The following KANSL1L variants were observed in gnomAD, a reference collection of about 807,000 sequenced individuals.
KANSL1L encodes the protein KAT8 regulatory NSL complex subunit 1-like protein.
A neutral mutation model predicts 108.6 loss-of-function variants in KANSL1L; 25 were observed. That is an observed-to-expected ratio of 0.23 (90% CI 0.17 to 0.32). The LOEUF (loss-of-function observed/expected upper bound fraction) is 0.32, where lower values mean the gene tolerates loss of function less well. Among genes scored for constraint, KANSL1L ranks in the 10% least tolerant of loss-of-function variants. KANSL1L has a pLI of 1.00. For synonymous variants in KANSL1L, 405 were observed against 395.1 expected, an observed-to-expected ratio of 1.03 and a Z score of -0.30; for missense variants, 1,137 against 1,125.7, an observed-to-expected ratio of 1.01 and a Z score of -0.14.
chr2:210,158,070 C>G (rs1214883879), intron 1 of KANSL1L, among the ~76,000 whole-genome samples: 1 of 152,198 alleles, frequency 6.6e-6, no homozygotes, highest in African/African-American at 2.4e-5. Context: ...ACCGGTAGGA[C>G]AGGTAGCTTC....
intron 5 of KANSL1L, among the ~76,000 whole-genome samples, chr2:210,084,007 G>A (rs570375423): frequency 6.6e-6 from 1 of 151,928 alleles, no homozygotes; most frequent in South Asian, 2.1e-4. Flanking sequence ...CCTTACTCTG[G>A]GTAATAAGTA....
chr2:210,089,230 T>TA (rs1285916339), intron 5 of KANSL1L, among the ~76,000 whole-genome samples: 2 of 152,226 alleles, frequency 1.3e-5, no homozygotes, highest in African/African-American at 4.8e-5. Flanking sequence ...ACAATCATCT[T>TA]ACTGTCACGG....
chr2:210,137,089 T>C (rs2160020), intron 2 of KANSL1L, among the ~76,000 whole-genome samples: 9,912 of 152,258 alleles, frequency 0.065, 383 homozygotes, highest in Middle Eastern at 0.13. Flanking sequence ...GGGTCTCTTC[T>C]TTTTTTGATG....
chr2:210,083,168 AG>A (rs1226405377), intron 5 of KANSL1L, among the ~76,000 whole-genome samples: 1 of 152,198 alleles, frequency 6.6e-6, no homozygotes, highest in Non-Finnish European at 1.5e-5. Flanking sequence ...ACCAGAAGCT[AG>A]GAAGAGGCAA....
intron 8 of KANSL1L, among the ~76,000 whole-genome samples, chr2:210,037,896 A>G (rs1225503852): frequency 6.6e-6 from 1 of 152,178 alleles, no homozygotes; most frequent in Non-Finnish European, 1.5e-5. Flanking sequence ...ATGTGTGTCT[A>G]TAAACAGCAG....
intron 6 of KANSL1L, among the ~76,000 whole-genome samples, chr2:210,060,962 C>T (rs780242811): frequency 8.5e-5 from 13 of 152,146 alleles, no homozygotes; most frequent in Non-Finnish European, 1.8e-4. Context: ...GAAGTAATCA[C>T]CACTGCTACT....
intron 1 of KANSL1L, among the ~76,000 whole-genome samples, chr2:210,164,850 T>C (rs1270085022): frequency 1.3e-5 from 2 of 151,450 alleles, no homozygotes; most frequent in East Asian, 1.9e-4. Context: ...ACTTTTATTT[T>C]TTCTGTTTTT....
At chr2:210,082,938 C>T (rs947445352) in intron 5 of KANSL1L, among the ~76,000 whole-genome samples, 2 of 152,180 alleles carry the variant, frequency 1.3e-5, no homozygotes, top group African/African-American at 2.4e-5. Flanking sequence ...CTCCTCAAAG[C>T]TCATGTCTAC....
chr2:210,123,834 TAA>T (rs71043973), intron 3 of KANSL1L, among the ~76,000 whole-genome samples: 2 of 145,988 alleles, frequency 1.4e-5, no homozygotes. Context: ...TTTTTTAAGT[TAA>T]AAAAAAAAAG....
At chr2:210,139,587 G>A (rs1490074594) in intron 2 of KANSL1L, among the ~76,000 whole-genome samples, 2 of 151,982 alleles carry the variant, frequency 1.3e-5, no homozygotes, top group Admixed American at 1.3e-4. Context: ...TCTTGTAATA[G>A]CCATTTTAAC....
chr2:210,146,454 T>C (rs78440135), intron 2 of KANSL1L, among the ~76,000 whole-genome samples: 1,690 of 152,338 alleles, frequency 0.011, 22 homozygotes, highest in African/African-American at 0.039. Context: ...ATAAATACAA[T>C]TAACACTTGC....
chr2:210,167,918 G>C (rs1490307239), intron 1 of KANSL1L, among the ~76,000 whole-genome samples: 1 of 151,756 alleles, frequency 6.6e-6, no homozygotes, highest in Non-Finnish European at 1.5e-5. Flanking sequence ...CACATGATTA[G>C]GGAATAAGGA....
Position 210,129,073 on chromosome 2 carries a change from G to A in KANSL1L, c.1188C>T (p.Ile396=). 6.2e-7 allele frequency: 1 copy of A among 1,613,900 alleles called. No individual in the cohort carries two copies. Among genetic ancestry groups the A allele is most frequent in the Non-Finnish European group, 8.5e-7 (1 of 1,179,830 alleles). ...QAQISDLECK[I]QQLTDIHRQI... Reference sequence around the variant, plus strand: ...GCCTGTGAATGTCTGTTAGTTGTTGGATTTTGCATTCTAGGTCTGAAATCT... The same window carrying A: ...GCCTGTGAATGTCTGTTAGTTGTTGAATTTTGCATTCTAGGTCTGAAATCT... Residue 396 remains isoleucine (I), a synonymous_variant, in exon 3 of 15, where the codon ATC becomes ATT. Coordinates refer to ENST00000281772, the MANE Select transcript of KANSL1L (RefSeq NM_152519.4).
intron 2 of KANSL1L, 47 bp from the exon 3 acceptor site, chr2:210,129,219 G>T (rs1423512386): frequency 6.7e-7 from 1 of 1,499,406 alleles, no homozygotes; most frequent in South Asian, 1.3e-5. Flanking sequence ...AGGCAATCAA[G>T]TTTCACAAAC....
intron 5 of KANSL1L, among the ~76,000 whole-genome samples, chr2:210,081,207 A>G (rs1053467426): frequency 1.3e-5 from 2 of 152,130 alleles, no homozygotes; most frequent in Non-Finnish European, 2.9e-5. Flanking sequence ...CCTTGACCCA[A>G]ATAAAGTCTC....
chr2:210,082,224 A>G (rs1163971024), intron 5 of KANSL1L, among the ~76,000 whole-genome samples: 3 of 152,218 alleles, frequency 2.0e-5, no homozygotes, highest in Non-Finnish European at 4.4e-5. Context: ...GAAATACTGT[A>G]ATGCTGATAA....
chr2:210,166,418 A>T (rs1201918099), intron 1 of KANSL1L, among the ~76,000 whole-genome samples: 1 of 152,130 alleles, frequency 6.6e-6, no homozygotes, highest in African/African-American at 2.4e-5. Context: ...TTCTAAAGAA[A>T]AATAAAAAAT....
chr2:210,052,786 A>T (rs2094307520), intron 6 of KANSL1L, among the ~76,000 whole-genome samples: 1 of 152,206 alleles, frequency 6.6e-6, no homozygotes, highest in Non-Finnish European at 1.5e-5. Flanking sequence ...CACGGTAGGT[A>T]CTTAATATTT....
At position 210,079,648 on chromosome 2, in the gene KANSL1L, A is replaced by ATGTGTG. The variant is rs1553653241; in HGVS notation, c.1551-3893_1551-3892insCACACA. ...TATATATATATATATATATATATAT[A>ATGTGTG]TATATATATATATATATGTATGTGT... On this transcript the variant is annotated intron_variant, in intron 5 of 14. Transcript: ENST00000281772. Among the ~76,000 whole-genome samples the ATGTGTG allele has an allele frequency of 2.6e-4, 4 of 15,198 alleles. 1 individual carries two copies. The highest frequency in any genetic ancestry group is 3.1e-3 in the South Asian group (1 of 318). 10.0% of individuals were successfully genotyped at this position (15,198 alleles called of 152,430 possible).
Sources: allele counts gnomAD v4.1 joint callset (sites outside exome capture counted in the v4.1 genomes callset), GRCh38; gene constraint gnomAD v4.1.1; transcripts MANE v1.5; gene names NCBI Gene and HGNC (gene_info 2026-07-23, HGNC 2026-07-21).